Variants in NUDT3 observed in about 807,000 individuals in gnomAD.
NUDT3 encodes nudix hydrolase 3, also known as diphosphoinositol polyphosphate phosphohydrolase 1.
Under a neutral mutation model 23.6 loss-of-function variants are expected in NUDT3, and 9 were observed. The ratio of observed to expected loss-of-function variants is 0.38; its 90% confidence interval spans 0.23 to 0.66. The LOEUF is 0.66. NUDT3 is among the 30% of genes least tolerant of loss of function. The pLI is 0.52. For missense variants in NUDT3, 172 were observed against 218.5 expected (o/e 0.79, Z 1.34); for synonymous variants, 86 against 82.6 (o/e 1.04, Z -0.22).
At chr6:34,335,748 CTG>C (rs1310041808) in intron 2 of NUDT3, among the ~76,000 whole-genome samples, 4 of 147,438 alleles carry the variant, frequency 2.7e-5, no homozygotes, top group Non-Finnish European at 6.0e-5. Context: ...TTTGAAAATG[CTG>C]TGTTTTTTTT....
chr6:34,369,301 A>G (rs774865798), intron 1 of NUDT3, among the ~76,000 whole-genome samples: 1 of 152,212 alleles, frequency 6.6e-6, no homozygotes, highest in Non-Finnish European at 1.5e-5. Context: ...TAGCTACAAC[A>G]TTATTTACAA....
At chr6:34,330,499 T>C (rs532452365) in intron 2 of NUDT3, among the ~76,000 whole-genome samples, 117 of 152,288 alleles carry the variant, frequency 7.7e-4, no homozygotes, top group African/African-American at 2.6e-3. Flanking sequence ...ATATTCTTAT[T>C]AGAAAATAAA....
At chr6:34,327,313 G>A (rs1445082144) in intron 2 of NUDT3, among the ~76,000 whole-genome samples, 2 of 151,876 alleles carry the variant, frequency 1.3e-5, no homozygotes, top group African/African-American at 2.4e-5. Flanking sequence ...GGTGGATCAC[G>A]AGGTCAAGAG....
chr6:34,367,073 G>A (rs1398815717), intron 1 of NUDT3, among the ~76,000 whole-genome samples: 2 of 151,916 alleles, frequency 1.3e-5, no homozygotes, highest in Non-Finnish European at 2.9e-5. Flanking sequence ...ATTTTTAGTA[G>A]AGCCAGGATT....
At chr6:34,383,586 G>T (rs976268935) in intron 1 of NUDT3, among the ~76,000 whole-genome samples, 3 of 152,286 alleles carry the variant, frequency 2.0e-5, no homozygotes, top group African/African-American at 7.2e-5. Flanking sequence ...GTGTGCTGAA[G>T]AAATGAATAA....
At chr6:34,295,574 T>A (rs1434421607) in intron 3 of NUDT3, 67 bp downstream of exon 3, 9 of 1,541,270 alleles carry the variant, frequency 5.8e-6, no homozygotes, top group Non-Finnish European at 7.9e-6. Flanking sequence ...AATGGCATTT[T>A]TCCTATGTTA....
chr6:34,312,853 C>T (rs1340488899), intron 2 of NUDT3, among the ~76,000 whole-genome samples: 3 of 152,128 alleles, frequency 2.0e-5, no homozygotes, highest in Admixed American at 6.6e-5. Context: ...AAGAAATGAA[C>T]TATCAAGTTA....
intron 1 of NUDT3, among the ~76,000 whole-genome samples, chr6:34,347,746 T>C (rs1158549665): frequency 6.6e-6 from 1 of 152,050 alleles, no homozygotes; most frequent in African/African-American, 2.4e-5. Context: ...CCCTGCCCTA[T>C]AGGAACTGAG....
Position 34,285,976 on chromosome 6 carries a change from C to G in NUDT3, c.*2777G>C, listed in dbSNP as rs895598242. ...CTGACCCAAAGACACCAACAACAAT[C>G]AAAACTGCACTTTCAGGGTAGTATA... On this transcript the variant is annotated 3_prime_UTR_variant, in exon 5 of 5. Coordinates refer to ENST00000607016, the MANE Select transcript of NUDT3 (RefSeq NM_006703.4). 2 of 152,206 alleles carry G rather than the reference C, an allele frequency of 1.3e-5. No individual in the cohort carries two copies. Among genetic ancestry groups the G allele is most frequent in the African/African-American group, 2.4e-5 (1 of 41,440 alleles). The allele number at this position is 152,206 out of a possible 1,614,324, so 9.4% of individuals were successfully genotyped here. A position where few individuals can be genotyped will look rare whatever the true frequency, so the allele number is the denominator to read the frequency against.
intron 2 of NUDT3, among the ~76,000 whole-genome samples, chr6:34,313,825 C>A (rs1236221129): frequency 4.6e-5 from 7 of 151,970 alleles, no homozygotes. Context: ...AGGCCAAGCG[C>A]GGTGGCTCAC....
chr6:34,378,924 A>G (rs1764969380), intron 1 of NUDT3, among the ~76,000 whole-genome samples: 1 of 152,122 alleles, frequency 6.6e-6, no homozygotes, highest in South Asian at 2.1e-4. Context: ...GTGTATGCTT[A>G]TTGCTTCTAC....
intron 1 of NUDT3, among the ~76,000 whole-genome samples, chr6:34,366,473 A>AAGGGAGGGAGGGAGGGAGGG (rs529092584): frequency 6.7e-4 from 20 of 29,816 alleles, no homozygotes; most frequent in East Asian, 1.4e-3. Flanking sequence ...AGAGAGAGGG[A>AAGGGAGGGAGGGAGGGAGGG]AGGGAGGGAG....
At chr6:34,308,540 T>C (rs1763720335) in intron 2 of NUDT3, among the ~76,000 whole-genome samples, 1 of 151,628 alleles carries the variant, frequency 6.6e-6, no homozygotes, top group Admixed American at 6.6e-5. Context: ...ATATGTTGTC[T>C]ACAAGAAAAC....
intron 2 of NUDT3, among the ~76,000 whole-genome samples, chr6:34,319,548 T>C (rs1763909365): frequency 6.6e-6 from 1 of 152,182 alleles, no homozygotes; most frequent in South Asian, 2.1e-4. Flanking sequence ...TCTAGGAACC[T>C]CCACGTGTTC....
intron 2 of NUDT3, among the ~76,000 whole-genome samples, chr6:34,337,423 A>C (rs1414713716): frequency 1.3e-5 from 2 of 152,228 alleles, no homozygotes; most frequent in African/African-American, 4.8e-5. Context: ...GTAAGATACT[A>C]AACATGAGGA....
In NUDT3 at chr6:34,286,742, G is replaced by C. The variant is rs898633484; in HGVS notation, c.*2011C>G. The C allele has an allele frequency of 3.3e-5, 5 of 150,746 alleles. No individual in the cohort carries two copies. The allele number at this position is 150,746 out of a possible 1,614,324, so 9.3% of individuals were successfully genotyped here. On this transcript the variant is annotated 3_prime_UTR_variant, in exon 5 of 5. Coordinates refer to ENST00000607016, the MANE Select transcript of NUDT3 (RefSeq NM_006703.4). ...TCTTTGGCTCTGTGTGTGAAGATTG[G>C]GGGAGAGGATGTAAACTAAGAGTAT...
chr6:34,370,276 A>G (rs1394662920), intron 1 of NUDT3, among the ~76,000 whole-genome samples: 1 of 152,180 alleles, frequency 6.6e-6, no homozygotes, highest in African/African-American at 2.4e-5. Context: ...TCACTAACAG[A>G]AATCTGAGGA....
rs548048055 is a variant in NUDT3, at chr6:34,325,491, G to A, written c.210+16371C>T. On this transcript the variant is annotated intron_variant, in intron 2 of 4. Coordinates refer to ENST00000607016, the MANE Select transcript of NUDT3 (RefSeq NM_006703.4). ...TTCTCAAAGTGCTGGGATTATAGGC[G>A]TGAGCCACTGCACCCAGACAAAATT... 7.2e-5 allele frequency among the ~76,000 whole-genome samples: 11 copies of A among 152,314 alleles called. No homozygotes were observed. The South Asian group carries it at 2.1e-3, about 29-fold the overall frequency.
In NUDT3 at chr6:34,288,634, C is replaced by T; in HGVS notation, c.*119G>A. 7.5e-7 allele frequency: 1 copy of T among 1,342,174 alleles called. No individual in the cohort carries two copies. The highest frequency in any genetic ancestry group is 1.0e-6 in the Non-Finnish European group (1 of 994,258). The allele number at this position is 1,342,174 out of a possible 1,614,324, so 83.1% of individuals were successfully genotyped here. ...TTATCAATACACCCTTTCTTTGCTG[C>T]CCACCATGCCTTATTTGAAAGAGGA... On this transcript the variant is annotated 3_prime_UTR_variant, in exon 5 of 5. Coordinates refer to ENST00000607016, the MANE Select transcript of NUDT3 (RefSeq NM_006703.4).
Sources: gnomAD v4.1 joint callset for allele counts (sites outside exome capture counted in the v4.1 genomes callset) on GRCh38, gnomAD v4.1.1 for gene constraint, MANE v1.5 for transcripts, NCBI Gene and HGNC (gene_info 2026-07-23, HGNC 2026-07-21) for gene names.